GNAO1: variants seen among roughly 807,000 people sequenced by gnomAD.
GNAO1 encodes guanine nucleotide-binding protein G(o) subunit alpha.
For synonymous variants in GNAO1, 164 were observed against 180.7 expected, an observed-to-expected ratio of 0.91 and a Z score of 0.74; for missense variants, 166 against 478.7, an observed-to-expected ratio of 0.35 and a Z score of 6.10.
intron 3 of GNAO1, among the ~76,000 whole-genome samples, chr16:56,300,038 C>T (rs899237): frequency 0.77 from 96,795 of 125,444 alleles, 34,382 homozygotes; most frequent in South Asian, 0.84. Context: ...TGTGTGTGTG[C>T]GCGCGCGCGC....
At chr16:56,340,852 C>T in intron 6 of GNAO1, 2 of 1,614,112 alleles carry the variant, frequency 1.2e-6, no homozygotes, top group Non-Finnish European at 1.7e-6. Flanking sequence ...GCACGAATCC[C>T]TGAAGCTTTT....
At chr16:56,344,695 T>C in intron 6 of GNAO1, 1 of 985,548 alleles carries the variant, frequency 1.0e-6, no homozygotes, top group Non-Finnish European at 1.2e-6. Flanking sequence ...GAAGCTCCTG[T>C]GTCACCTGGG....
chr16:56,317,342 C>A (rs1280029418), intron 3 of GNAO1, among the ~76,000 whole-genome samples: 6 of 152,218 alleles, frequency 3.9e-5, no homozygotes, highest in African/African-American at 1.4e-4. Flanking sequence ...CTCCCTCCAC[C>A]CCGATGTGTT....
chr16:56,280,711 A>T (rs1021916818), intron 3 of GNAO1, among the ~76,000 whole-genome samples: 30 of 152,176 alleles, frequency 2.0e-4, no homozygotes, highest in Non-Finnish European at 4.1e-4. Flanking sequence ...GTAGCAACAA[A>T]GGAAATACAG....
chr16:56,303,886 A>G (rs1485402072), intron 3 of GNAO1, among the ~76,000 whole-genome samples: 1 of 152,088 alleles, frequency 6.6e-6, no homozygotes, highest in Admixed American at 6.5e-5. Context: ...GATCTACCCA[A>G]TGCGACACCC....
In GNAO1 at chr16:56,192,090, C is replaced by G; in HGVS notation, c.-146C>G. On this transcript the variant is annotated 5_prime_UTR_variant, in exon 1 of 9. Coordinates refer to ENST00000262493, the MANE Select transcript of GNAO1 (RefSeq NM_020988.3). ...GTCTTTTTGGAGGGTTCTGGTTTCC[C>G]GACATTTTTGTTTCCAGCCCAGGAG... is the stretch of plus-strand genomic sequence containing the variant. The G allele has an allele frequency of 1.7e-6, 1 of 604,764 alleles. No homozygotes were observed. Among genetic ancestry groups the G allele is most frequent in the Non-Finnish European group, 2.9e-6 (1 of 339,972 alleles). The allele number at this position is 604,764 out of a possible 1,614,324, so 37.5% of individuals were successfully genotyped here.
At chr16:56,206,217 G>A (rs1243953429) in intron 2 of GNAO1, among the ~76,000 whole-genome samples, 1 of 151,912 alleles carries the variant, frequency 6.6e-6, no homozygotes, top group Non-Finnish European at 1.5e-5. Context: ...CTACTCGGGA[G>A]GCTGAGGCAG....
intron 2 of GNAO1, among the ~76,000 whole-genome samples, chr16:56,265,162 T>C (rs2036940410): frequency 6.6e-6 from 1 of 152,234 alleles, no homozygotes; most frequent in Non-Finnish European, 1.5e-5. Flanking sequence ...CTCTCATTCG[T>C]GAGCAGCCCA....
intron 3 of GNAO1, among the ~76,000 whole-genome samples, chr16:56,290,159 C>G (rs970942813): frequency 1.3e-5 from 2 of 152,174 alleles, no homozygotes; most frequent in Non-Finnish European, 2.9e-5. Context: ...TTCCCTCCCC[C>G]AGGCCTGGGT....
intron 2 of GNAO1, among the ~76,000 whole-genome samples, chr16:56,211,779 G>A (rs1333092511): frequency 2.0e-5 from 3 of 152,164 alleles, no homozygotes; most frequent in South Asian, 2.1e-4. Context: ...CCCGCTTCTC[G>A]TTGATTGTCC....
chr16:56,192,046 T>C lies in GNAO1; in HGVS notation c.-190T>C. ...GCCAGCTGCCGCGAGTCTCCGCTGC[T>C]GGAATCTTGTTAGCGGCTGTCTTTT... On this transcript the variant is annotated 5_prime_UTR_variant, in exon 1 of 9. Transcript: ENST00000262493. 1.7e-6 allele frequency: 1 copy of C among 585,008 alleles called. No homozygotes were observed. The highest frequency in any genetic ancestry group is 2.8e-5 in the East Asian group (1 of 35,266). 36.2% of individuals were successfully genotyped at this position (585,008 alleles called of 1,614,324 possible).
chr16:56,272,099 G>A (rs923160366), intron 2 of GNAO1, among the ~76,000 whole-genome samples: 6 of 152,152 alleles, frequency 3.9e-5, no homozygotes, highest in African/African-American at 1.4e-4. Context: ...CTGAGTTTTG[G>A]GAGTATGAAT....
intron 2 of GNAO1, among the ~76,000 whole-genome samples, chr16:56,256,716 C>CTGTGTGTGTG (rs1418939057): frequency 1.8e-4 from 16 of 90,266 alleles, no homozygotes; most frequent in African/African-American, 4.5e-4. Flanking sequence ...CTCTCTCTCT[C>CTGTGTGTGTG]TCTGTGTGTG....
intron 2 of GNAO1, among the ~76,000 whole-genome samples, chr16:56,215,345 T>C (rs1268373184): frequency 2.6e-5 from 4 of 152,200 alleles, no homozygotes; most frequent in African/African-American, 2.4e-5. Flanking sequence ...AACACACACA[T>C]GCACTACTAC....
chr16:56,223,124 G>A (rs1382857567), intron 2 of GNAO1, among the ~76,000 whole-genome samples: 1 of 152,214 alleles, frequency 6.6e-6, no homozygotes, highest in Non-Finnish European at 1.5e-5. Context: ...AAGTTCACCA[G>A]CCTAAAATCA....
At chr16:56,212,104 C>CA (rs139104132) in intron 2 of GNAO1, among the ~76,000 whole-genome samples, 1 of 151,940 alleles carries the variant, frequency 6.6e-6, no homozygotes, top group Admixed American at 6.5e-5. Context: ...GAAGTCCTGT[C>CA]GGGACTACTT....
At chr16:56,324,964 A>G (rs905380897) in intron 3 of GNAO1, among the ~76,000 whole-genome samples, 1 of 152,204 alleles carries the variant, frequency 6.6e-6, no homozygotes, top group Non-Finnish European at 1.5e-5. Context: ...TTGGCCTCAC[A>G]CTTCTTTTGT....
At position 56,245,658 on chromosome 16, in the gene GNAO1, G is replaced by T. The variant is rs1425318817; in HGVS notation, c.162-30273G>T. The T allele has an allele frequency of 1.9e-5, 3 of 154,864 alleles. No individual in the cohort carries two copies. The East Asian group carries it at 5.8e-4, about 30-fold the overall frequency. The allele number at this position is 154,864 out of a possible 1,614,324, so 9.6% of individuals were successfully genotyped here. ...GAGGGCTAGGGCACTTGAATAGAAA[G>T]AGAGCAATTCTTGGGTACAAGAAGC... On this transcript the variant is annotated intron_variant, in intron 2 of 8. Coordinates refer to ENST00000262493, the MANE Select transcript of GNAO1 (RefSeq NM_020988.3).
chr16:56,231,617 C>T (rs1170371116), intron 2 of GNAO1, among the ~76,000 whole-genome samples: 21 of 152,042 alleles, frequency 1.4e-4, no homozygotes, highest in East Asian at 5.8e-4. Context: ...GTGGGAGGGA[C>T]GTGGTCAAGG....
Sources: gnomAD v4.1 joint callset for allele counts (sites outside exome capture counted in the v4.1 genomes callset) on GRCh38, gnomAD v4.1.1 for gene constraint, MANE v1.5 for transcripts, NCBI Gene and HGNC (gene_info 2026-07-23, HGNC 2026-07-21) for gene names.